GALNT2: variants seen among roughly 807,000 people sequenced by gnomAD.
GALNT2 encodes the protein polypeptide N-acetylgalactosaminyltransferase 2.
GALNT2 carries 31 observed loss-of-function variants against 81.4 expected under a neutral mutation model. The ratio of observed to expected loss-of-function variants is 0.38; its 90% CI spans 0.29 to 0.51. The LOEUF is 0.51. GALNT2 is among the 20% of genes least tolerant of loss of function. The probability of loss-of-function intolerance (pLI) is 0.87; values close to 1 mark genes in which losing one functional copy is unlikely to be tolerated. For synonymous variants in GALNT2, 303 were observed against 287.4 expected (o/e 1.05, Z -0.55); for missense variants, 629 against 765.7 (o/e 0.82, Z 2.11).
chr1:230,270,654 G>A (rs1276964645), intron 14 of GALNT2, among the ~76,000 whole-genome samples: 4 of 152,160 alleles, frequency 2.6e-5, no homozygotes, highest in East Asian at 1.9e-4. Flanking sequence ...TTTGCATAGC[G>A]TGTGACACGG....
intron 3 of GALNT2, among the ~76,000 whole-genome samples, chr1:230,210,108 G>A (rs1039044011): frequency 1.7e-4 from 26 of 152,142 alleles, no homozygotes; most frequent in African/African-American, 1.4e-4. Context: ...AGGCTGGAGC[G>A]TTTCCGGGAT....
intron 15 of GALNT2, among the ~76,000 whole-genome samples, chr1:230,277,664 A>C (rs770736787): frequency 2.0e-5 from 3 of 152,198 alleles, no homozygotes; most frequent in Non-Finnish European, 2.9e-5. Context: ...GAAATAAGGA[A>C]AGCAGGGTAC....
intron 10 of GALNT2, among the ~76,000 whole-genome samples, chr1:230,252,226 T>G (rs1558162105): frequency 6.6e-6 from 1 of 152,162 alleles, no homozygotes; most frequent in Non-Finnish European, 1.5e-5. Flanking sequence ...ATTGCCAACC[T>G]GAGGGGCCTC....
chr1:230,226,258 G>A (rs763092342), intron 3 of GALNT2, among the ~76,000 whole-genome samples: 6 of 152,262 alleles, frequency 3.9e-5, no homozygotes, highest in Admixed American at 2.6e-4. Context: ...AATGGGAATG[G>A]CGTAAGCATT....
chr1:230,183,317 GTTT>G (rs1005586566), intron 2 of GALNT2, among the ~76,000 whole-genome samples: 2 of 151,944 alleles, frequency 1.3e-5, no homozygotes, highest in Admixed American at 1.3e-4. Flanking sequence ...ATTTGTTATT[GTTT>G]TTTATTTATT....
Position 230,281,034 on chromosome 1 carries a change from G to A in GALNT2, c.*1576G>A, listed in dbSNP as rs185748475. The A allele has an allele frequency of 3.9e-5, 6 of 152,324 alleles. No individual in the cohort carries two copies. Among genetic ancestry groups the A allele is most frequent in the Admixed American group, 2.0e-4 (3 of 15,296 alleles). The allele number at this position is 152,324 out of a possible 1,614,324, so 9.4% of individuals were successfully genotyped here. A position where few individuals can be genotyped will look rare whatever the true frequency, so the allele number is the denominator to read the frequency against. On this transcript the variant is annotated 3_prime_UTR_variant, in exon 16 of 16. Coordinates refer to ENST00000366672, the MANE Select transcript of GALNT2 (RefSeq NM_004481.5). ...TGCTCAGTCTCAGAGAGGCTGGCAC[G>A]GCCTGGCAGTCTGAGAAAAGCGTCA...
intron 1 of GALNT2, among the ~76,000 whole-genome samples, chr1:230,088,951 C>T (rs1274455744): frequency 3.3e-5 from 5 of 152,136 alleles, no homozygotes; most frequent in African/African-American, 9.7e-5. Context: ...GTACTTTCTG[C>T]GTCTGTGGAT....
At chr1:230,263,528 A>G (rs1220782154) in intron 13 of GALNT2, 1 of 153,852 alleles carries the variant, frequency 6.5e-6, no homozygotes, top group Non-Finnish European at 1.4e-5. Flanking sequence ...CGGAAGTAAT[A>G]ATGCTGCTGC....
intron 1 of GALNT2, among the ~76,000 whole-genome samples, chr1:230,177,809 CACCTAAGATGTCTGGAGAGCT>C (rs1211708353): frequency 6.6e-6 from 1 of 152,168 alleles, no homozygotes; most frequent in Admixed American, 6.5e-5. Context: ...GTCCATAAAC[CACCTAAGATGTCTGGAGAGCT>C]ACCTTCATTT....
At chr1:230,168,794 AC>A (rs1662697310) in intron 1 of GALNT2, among the ~76,000 whole-genome samples, 1 of 152,236 alleles carries the variant, frequency 6.6e-6, no homozygotes, top group Non-Finnish European at 1.5e-5. Flanking sequence ...TTAAAATCTT[AC>A]ATCAGTATGA....
At chr1:230,058,614 G>C (rs189656884) in intron 1 of GALNT2, among the ~76,000 whole-genome samples, 1 of 152,198 alleles carries the variant, frequency 6.6e-6, no homozygotes, top group Non-Finnish European at 1.5e-5. Context: ...CTGTTGCGAA[G>C]ATTTAATAAA....
intron 10 of GALNT2, among the ~76,000 whole-genome samples, chr1:230,251,833 T>C (rs1313716658): frequency 6.6e-6 from 1 of 152,170 alleles, no homozygotes; most frequent in East Asian, 1.9e-4. Flanking sequence ...TCAGCCAGCA[T>C]TTTGTGTCAT....
intron 2 of GALNT2, 63 bp downstream of exon 2, chr1:230,178,374 G>A: frequency 8.0e-7 from 1 of 1,248,994 alleles, no homozygotes; most frequent in Non-Finnish European, 1.2e-6. Flanking sequence ...GACTGAGCAT[G>A]GCTCTTGGAG....
rs1665270826 is a variant in GALNT2 at position 230,243,592 on chromosome 1, TG to T, written c.729+169del. On this transcript the variant is annotated intron_variant, in intron 7 of 15. Transcript: ENST00000366672. This position sits in a 1 kb window ranked among gnomAD's most constrained non-coding sequence, Gnocchi z 4.2. ...TTCCTTGATAGAAGGAAAATGCCTT[TG>T]GGGCATTGTAGAAAGACTGTTTTAC... Among the ~76,000 whole-genome samples, 2 of 152,190 alleles carry T rather than the reference TG, an allele frequency of 1.3e-5. No individual in the cohort carries two copies. The highest frequency in any genetic ancestry group is 4.1e-4 in the South Asian group (2 of 4,834).
intron 14 of GALNT2, among the ~76,000 whole-genome samples, chr1:230,266,478 G>A (rs903080783): frequency 6.6e-6 from 1 of 152,192 alleles, no homozygotes; most frequent in African/African-American, 2.4e-5. Flanking sequence ...TGAATGTATT[G>A]ATTTCTTAAC....
intron 15 of GALNT2, among the ~76,000 whole-genome samples, chr1:230,278,284 A>AT (rs201125544): frequency 2.6e-5 from 4 of 151,534 alleles, no homozygotes; most frequent in Non-Finnish European, 5.9e-5. Flanking sequence ...TGCCCTGCTA[A>AT]TTTTTTTTAA....
At chr1:230,278,584 T>G (rs143191046) in intron 15 of GALNT2, among the ~76,000 whole-genome samples, 1 of 152,312 alleles carries the variant, frequency 6.6e-6, no homozygotes, top group East Asian at 1.9e-4. Context: ...CATCGTACCC[T>G]GTACTTTACA....
At chr1:230,200,509 C>CCAGG (rs1468899374) in intron 2 of GALNT2, among the ~76,000 whole-genome samples, 1 of 152,214 alleles carries the variant, frequency 6.6e-6, no homozygotes, top group African/African-American at 2.4e-5. Flanking sequence ...GCACCGCAGG[C>CCAGG]CAGGGTCTGA....
chr1:230,093,604 G>A (rs1295399622), intron 1 of GALNT2, among the ~76,000 whole-genome samples: 3 of 152,338 alleles, frequency 2.0e-5, no homozygotes, highest in East Asian at 1.9e-4. Flanking sequence ...ACCCTGGGCC[G>A]TTTACTGGCC....
Sources: allele counts gnomAD v4.1 joint callset (sites outside exome capture counted in the v4.1 genomes callset), GRCh38; gene constraint gnomAD v4.1.1; non-coding constraint Gnocchi (gnomAD v3.1); transcripts MANE v1.5; gene names NCBI Gene and HGNC (gene_info 2026-07-23, HGNC 2026-07-21).